The following PLEKHG4B variants were observed in gnomAD, a reference collection of about 807,000 sequenced individuals.
PLEKHG4B encodes pleckstrin homology and RhoGEF domain containing G4B.
Under a neutral mutation model 121.3 loss-of-function variants are expected in PLEKHG4B, and 111 were observed. The ratio of observed to expected loss-of-function variants is 0.92; its 90% CI spans 0.78 to 1.07. The LOEUF is 1.07. Among genes scored for constraint, PLEKHG4B ranks in the 50% least tolerant of loss-of-function variants. The probability of loss-of-function intolerance (pLI) is 0.00; values close to 1 mark genes in which losing one functional copy is unlikely to be tolerated. For missense variants in PLEKHG4B, 1,831 were observed against 1,757.8 expected (o/e 1.04, Z -0.74); for synonymous variants, 738 against 725.0 (o/e 1.02, Z -0.29).
chr5:157,037 A>G lies in PLEKHG4B; in HGVS notation c.2487+126A>G, dbSNP rs1289950003. On this transcript the variant is annotated intron_variant, in intron 11 of 19. Transcript: ENST00000637938. The surrounding 1 kb of genome is among the most constrained non-coding windows in gnomAD (Gnocchi z 4.6). Reference sequence around the variant, plus strand: ...TCTGATTTCCATTTGGAATGAAATTATGTCAGGATAGGGCATGCCTTGCTG... The same window carrying G: ...TCTGATTTCCATTTGGAATGAAATTGTGTCAGGATAGGGCATGCCTTGCTG... The G allele has an allele frequency of 7.6e-7, 1 of 1,310,688 alleles. No individual in the cohort carries two copies. The highest frequency in any genetic ancestry group is 1.1e-6 in the Non-Finnish European group (1 of 928,780). 81.2% of individuals were successfully genotyped at this position (1,310,688 alleles called of 1,614,324 possible).
At position 162,847 on chromosome 5, in the gene PLEKHG4B, G is replaced by A. The variant is rs190680228; in HGVS notation, c.2775G>A (p.Val925=). The A allele has an allele frequency of 1.6e-5, 25 of 1,515,388 alleles. No homozygotes were observed. The highest frequency in any genetic ancestry group is 4.4e-5 in the Admixed American group (2 of 45,768). The allele number at this position is 1,515,388 out of a possible 1,614,324, so 93.9% of individuals were successfully genotyped here. Residue 925 remains valine (V), a synonymous_variant, in exon 13 of 20, where the codon GTG becomes GTA. Coordinates refer to ENST00000637938, the MANE Select transcript of PLEKHG4B (RefSeq NM_052909.5). ...VAAEAFPGAG[V]AVLKPHALGK... ...CAGAGGCCTTCCCCGGGGCAGGTGTGGCAGTGCTGAAGCCTCATGCCCTGG... is the reference window on the plus strand; with the variant it reads ...CAGAGGCCTTCCCCGGGGCAGGTGTAGCAGTGCTGAAGCCTCATGCCCTGG...
Position 163,422 on chromosome 5 carries a change from T to A in PLEKHG4B, c.3350T>A (p.Val1117Glu). The change falls in exon 13 of 20, where the codon GTA becomes GAA. Residue 1117 changes from valine to glutamate, a missense_variant. Physicochemically the swap from Val to Glu is moderately radical, Grantham distance 121. Coordinates refer to ENST00000637938, the MANE Select transcript of PLEKHG4B (RefSeq NM_052909.5). ...AAGGGCCTGGAGGTAACCAGCACTG[T>A]AGCCACAGAGAAGAAGCTCCCGCTG... ...FSKGLEVTST[V>E]ATEKKLPLWQ... 1 of 1,613,024 alleles carries A rather than the reference T, an allele frequency of 6.2e-7. No individual in the cohort carries two copies. The highest frequency in any genetic ancestry group is 8.5e-7 in the Non-Finnish European group (1 of 1,180,044).
chr5:157,399 G>A lies in PLEKHG4B; in HGVS notation c.2487+488G>A, dbSNP rs552456998. On this transcript the variant is annotated intron_variant, in intron 11 of 19. Coordinates refer to ENST00000637938, the MANE Select transcript of PLEKHG4B (RefSeq NM_052909.5). This position sits in a 1 kb window ranked among gnomAD's most constrained non-coding sequence, Gnocchi z 4.6. ...GGTTTTAAAGAAAAGAGGACAAATC[G>A]GGAGGGGGTGATGACGGAAGTGGCT... Among the ~76,000 whole-genome samples, 72 of 152,288 alleles carry A rather than the reference G, an allele frequency of 4.7e-4. No homozygotes were observed. Among genetic ancestry groups the A allele is most frequent in the Non-Finnish European group, 7.8e-4 (53 of 68,030 alleles).
chr5:169,715 T>G, intron 14 of PLEKHG4B, 123 bp downstream of exon 14: 4 of 1,416,396 alleles, frequency 2.8e-6, no homozygotes, highest in Non-Finnish European at 3.8e-6. Context: ...GTCTAGGAGC[T>G]GGTCCTGACA....
At chr5:110,748 A>G (rs934217030) in intron 1 of PLEKHG4B, among the ~76,000 whole-genome samples, 1 of 152,144 alleles carries the variant, frequency 6.6e-6, no homozygotes, top group Non-Finnish European at 1.5e-5. Flanking sequence ...TCTGCAACAA[A>G]CGTGCACACA....
At position 171,355 on chromosome 5, in the gene PLEKHG4B, G is replaced by A. The variant is rs761299649; in HGVS notation, c.3961G>A (p.Gly1321Ser). 1.3e-5 allele frequency: 21 copies of A among 1,612,086 alleles called. No individual in the cohort carries two copies. Among genetic ancestry groups the A allele is most frequent in the Middle Eastern group, 3.3e-4 (2 of 6,074 alleles). The change falls in exon 16 of 20, where the codon GGC becomes AGC. Residue 1321 changes from glycine (G) to serine (S), a missense_variant. Physicochemically the swap from Gly to Ser is moderately conservative, Grantham distance 56. Transcript: ENST00000637938. ...TGGCCTGGCCCAGGGGCAGGAGCTGGGCGAGCTCCGAGCCGCCGAGGTCGT... is the reference window on the plus strand; with the variant it reads ...TGGCCTGGCCCAGGGGCAGGAGCTGAGCGAGCTCCGAGCCGCCGAGGTCGT... ...SCGLAQGQEL[G>S]ELRAAEVVVC...
chr5:98,837 CT>C (rs925964165), intron 1 of PLEKHG4B, among the ~76,000 whole-genome samples: 1,512 of 79,214 alleles, frequency 0.019, 6 homozygotes, highest in Non-Finnish European at 0.026. Context: ...TTGAATTTTC[CT>C]TTTTTTTTTT....
At position 159,167 on chromosome 5, in the gene PLEKHG4B, A is replaced by G. The variant is rs368525; in HGVS notation, c.2487+2256A>G. 7.0e-6 allele frequency among the ~76,000 whole-genome samples: 1 copy of G among 143,812 alleles called. No individual in the cohort carries two copies. Among genetic ancestry groups the G allele is most frequent in the African/African-American group, 2.6e-5 (1 of 38,486 alleles). The allele number at this position is 143,812 out of a possible 152,430, so 94.3% of individuals were successfully genotyped here. ...CTGAGGGCAGGTGTGCCCGAGGGTCACCCAGGTGCACTGAGAGCAGGTGTG... is the reference window on the plus strand; with the variant it reads ...CTGAGGGCAGGTGTGCCCGAGGGTCGCCCAGGTGCACTGAGAGCAGGTGTG... On this transcript the variant is annotated intron_variant, in intron 11 of 19. Transcript: ENST00000637938. The surrounding 1 kb of genome is among the most constrained non-coding windows in gnomAD (Gnocchi z 5.5).
chr5:144,569 T>G (rs1053713977), intron 5 of PLEKHG4B, among the ~76,000 whole-genome samples: 6 of 152,164 alleles, frequency 3.9e-5, no homozygotes, highest in African/African-American at 1.4e-4. Flanking sequence ...GGTGGGTGTT[T>G]AGGGGAAAGT....
At chr5:122,738 A>G (rs1418193842) in intron 2 of PLEKHG4B, among the ~76,000 whole-genome samples, 2 of 152,092 alleles carry the variant, frequency 1.3e-5, no homozygotes, top group Non-Finnish European at 2.9e-5. Context: ...CTTTAAATAT[A>G]AAGACACACA....
intron 6 of PLEKHG4B, among the ~76,000 whole-genome samples, chr5:145,135 T>C (rs1229117782): frequency 6.6e-6 from 1 of 152,200 alleles, no homozygotes; most frequent in African/African-American, 2.4e-5. Context: ...CTGGGGAAGG[T>C]GGGCTTGGCC....
intron 1 of PLEKHG4B, among the ~76,000 whole-genome samples, chr5:108,013 G>C (rs759068346): frequency 1.3e-5 from 2 of 152,190 alleles, no homozygotes; most frequent in South Asian, 2.1e-4. Flanking sequence ...CCTCGAAACA[G>C]AGACTACCAG....
At position 163,045 on chromosome 5, in the gene PLEKHG4B, C is replaced by A; in HGVS notation, c.2973C>A (p.Pro991=). ...CCATGAGGAGGCACCAGAAGCCACCCTCATTCCCCAGCACGGACAGTGGGG... is the reference window on the plus strand; with the variant it reads ...CCATGAGGAGGCACCAGAAGCCACCATCATTCCCCAGCACGGACAGTGGGG... ...QEAMRRHQKP[P]SFPSTDSGGG... is the part of the protein sequence containing the mutation. Residue 991 remains proline, a synonymous_variant, in exon 13 of 20, where the codon CCC becomes CCA. Coordinates refer to ENST00000637938, the MANE Select transcript of PLEKHG4B (RefSeq NM_052909.5). 6.4e-7 allele frequency: 1 copy of A among 1,560,796 alleles called. No homozygotes were observed. Among genetic ancestry groups the A allele is most frequent in the South Asian group, 1.2e-5 (1 of 85,212 alleles).
chr5:131,445 C>G (rs982155983), intron 2 of PLEKHG4B, among the ~76,000 whole-genome samples: 15 of 151,056 alleles, frequency 9.9e-5, no homozygotes, highest in Non-Finnish European at 1.9e-4. Flanking sequence ...TGAACTCATG[C>G]TTTTTTTTTA....
At chr5:168,838 G>A (rs369044491) in intron 13 of PLEKHG4B, among the ~76,000 whole-genome samples, 50 of 148,596 alleles carry the variant, frequency 3.4e-4, no homozygotes, top group African/African-American at 1.2e-3. Context: ...TCCTTGCTGA[G>A]GATGTGCAGT....
At chr5:109,253 G>A (rs186735818) in intron 1 of PLEKHG4B, among the ~76,000 whole-genome samples, 178 of 152,062 alleles carry the variant, frequency 1.2e-3, no homozygotes, top group African/African-American at 4.1e-3. Context: ...AGCCAGGCGC[G>A]GTTAGTGGTG....
chr5:154,552 G>C (rs1735706331), intron 7 of PLEKHG4B, among the ~76,000 whole-genome samples: 1 of 150,786 alleles, frequency 6.6e-6, no homozygotes, highest in Admixed American at 6.6e-5. Flanking sequence ...GGTTTTATCT[G>C]AGAAGGGCCA....
intron 12 of PLEKHG4B, among the ~76,000 whole-genome samples, 180 bp downstream of exon 12, chr5:162,124 C>T (rs965117777): frequency 2.6e-5 from 4 of 152,238 alleles, no homozygotes; most frequent in Non-Finnish European, 4.4e-5. Context: ...CTGAGCCGAC[C>T]TGTGAAGCAT....
Position 161,813 on chromosome 5 carries a change from A to C in PLEKHG4B, c.2518A>C (p.Lys840Gln). 6.2e-7 allele frequency: 1 copy of C among 1,613,840 alleles called. No homozygotes were observed. The highest frequency in any genetic ancestry group is 1.1e-5 in the South Asian group (1 of 91,084). ...QSCQKGLQLA[K>Q]ENPQRTEEMV... Reference sequence around the variant, plus strand: ...CTGCCAGAAAGGACTACAGCTGGCGAAGGAGAACCCGCAACGTACAGAGGA... The same window carrying C: ...CTGCCAGAAAGGACTACAGCTGGCGCAGGAGAACCCGCAACGTACAGAGGA... The change falls in exon 12 of 20, where the codon AAG becomes CAG. Residue 840 changes from lysine to glutamine, a missense_variant. Coordinates refer to ENST00000637938, the MANE Select transcript of PLEKHG4B (RefSeq NM_052909.5).
Sources: gnomAD v4.1 joint callset for allele counts (sites outside exome capture counted in the v4.1 genomes callset) on GRCh38, gnomAD v4.1.1 for gene constraint, Gnocchi (gnomAD v3.1) non-coding constraint, MANE v1.5 for transcripts, NCBI Gene and HGNC (gene_info 2026-07-23, HGNC 2026-07-21) for gene names.